The following SMYD3 variants were observed in gnomAD, a reference collection of about 807,000 sequenced individuals.
SMYD3 encodes histone-lysine N-methyltransferase SMYD3.
In SMYD3, 36 loss-of-function variants were observed where a neutral mutation model predicts 57.7. The ratio of observed to expected loss-of-function variants is 0.62; its 90% CI spans 0.48 to 0.82. The LOEUF is 0.82. SMYD3 is among the 40% of genes least tolerant of loss of function. SMYD3 has a pLI of 0.00. For missense variants in SMYD3, 515 were observed against 538.8 expected (o/e 0.96, Z 0.44); for synonymous variants, 211 against 195.0 (o/e 1.08, Z -0.68).
rs76597088 is a variant in SMYD3, at chr1:246,161,768, A to G, written c.531+165433T>C. Reference sequence around the variant, plus strand: ...TATATTTCAAATGACAGGCAGGAACATGTCTTCCCAAGTCCTGATTTTTCT... The same window carrying G: ...TATATTTCAAATGACAGGCAGGAACGTGTCTTCCCAAGTCCTGATTTTTCT... On this transcript the variant is annotated intron_variant, in intron 5 of 11. Coordinates refer to ENST00000490107, the MANE Select transcript of SMYD3 (RefSeq NM_001167740.2). Among the ~76,000 whole-genome samples, 904 of 152,312 alleles carry G rather than the reference A, an allele frequency of 5.9e-3. 8 individuals carry two copies. The highest frequency in any genetic ancestry group is 0.021 in the African/African-American group (856 of 41,566).
chr1:246,173,111 A>ACACACTTAG (rs1197886538), intron 5 of SMYD3, among the ~76,000 whole-genome samples: 2 of 148,036 alleles, frequency 1.4e-5, no homozygotes, highest in African/African-American at 5.0e-5. Flanking sequence ...TATCAACACT[A>ACACACTTAG]CACACTTAGG....
chr1:245,922,358 T>C (rs2056035263), intron 7 of SMYD3, among the ~76,000 whole-genome samples: 1 of 152,228 alleles, frequency 6.6e-6, no homozygotes, highest in Non-Finnish European at 1.5e-5. Flanking sequence ...GAACAAAGAC[T>C]GCCTATAGAA....
intron 5 of SMYD3, among the ~76,000 whole-genome samples, chr1:246,266,380 T>C (rs2064107232): frequency 6.6e-6 from 1 of 152,216 alleles, no homozygotes; most frequent in Non-Finnish European, 1.5e-5. Flanking sequence ...TCCTCTGTAT[T>C]CCTAAAGTAT....
chr1:246,222,491 G>A (rs1438146009), intron 5 of SMYD3, among the ~76,000 whole-genome samples: 1 of 152,002 alleles, frequency 6.6e-6, no homozygotes, highest in Non-Finnish European at 1.5e-5. Flanking sequence ...ATTTGAACAC[G>A]CAAGCACAGT....
intron 5 of SMYD3, among the ~76,000 whole-genome samples, chr1:246,148,211 T>A (rs1175263403): frequency 6.6e-6 from 1 of 151,770 alleles, no homozygotes. Flanking sequence ...CCCTCTGAGG[T>A]CCATAAAAGC....
intron 5 of SMYD3, among the ~76,000 whole-genome samples, chr1:246,172,154 C>A (rs911917739): frequency 6.6e-6 from 1 of 152,200 alleles, no homozygotes; most frequent in African/African-American, 2.4e-5. Flanking sequence ...ACTCACTGTA[C>A]TCTACTGTAG....
At chr1:246,086,973 C>A (rs927432353) in intron 5 of SMYD3, among the ~76,000 whole-genome samples, 2 of 152,096 alleles carry the variant, frequency 1.3e-5, no homozygotes, top group Admixed American at 6.5e-5. Context: ...TGAGAACATG[C>A]GGTGTTTGGT....
intron 9 of SMYD3, among the ~76,000 whole-genome samples, chr1:245,861,713 C>T (rs985386449): frequency 1.3e-5 from 2 of 152,310 alleles, no homozygotes; most frequent in South Asian, 2.1e-4. Flanking sequence ...TCCTCCCAGA[C>T]GCAGCTCACT....
At chr1:246,058,602 ATTGTC>A (rs2060196349) in intron 5 of SMYD3, among the ~76,000 whole-genome samples, 1 of 152,162 alleles carries the variant, frequency 6.6e-6, no homozygotes, top group South Asian at 2.1e-4. Flanking sequence ...CATTTGGAAG[ATTGTC>A]TTTCAAAAGC....
At chr1:246,343,967 G>A (rs1397178518) in intron 2 of SMYD3, among the ~76,000 whole-genome samples, 1 of 152,090 alleles carries the variant, frequency 6.6e-6, no homozygotes, top group African/African-American at 2.4e-5. Context: ...TTATATTTAG[G>A]TTGGTGCAAA....
chr1:245,919,381 T>A (rs777100281), intron 7 of SMYD3, among the ~76,000 whole-genome samples: 1 of 152,128 alleles, frequency 6.6e-6, no homozygotes, highest in Non-Finnish European at 1.5e-5. Flanking sequence ...CATGCCAACA[T>A]GTGTCTGGGC....
intron 5 of SMYD3, among the ~76,000 whole-genome samples, chr1:246,042,517 G>A (rs1001400795): frequency 6.6e-6 from 1 of 152,132 alleles, no homozygotes; most frequent in African/African-American, 2.4e-5. Flanking sequence ...TGGGAACACC[G>A]TTCAATTACC....
At chr1:246,373,798 A>G (rs1481993105) in intron 1 of SMYD3, among the ~76,000 whole-genome samples, 1 of 152,212 alleles carries the variant, frequency 6.6e-6, no homozygotes, top group Admixed American at 6.5e-5. Context: ...ATTCTTTTAT[A>G]TTAACTTTTA....
At chr1:245,769,777 G>A (rs1048069685) in intron 10 of SMYD3, among the ~76,000 whole-genome samples, 1 of 152,164 alleles carries the variant, frequency 6.6e-6, no homozygotes, top group African/African-American at 2.4e-5. Context: ...CTTAAATATA[G>A]TCAGTCCTCT....
chr1:246,341,523 CA>C (rs992651660), intron 2 of SMYD3, among the ~76,000 whole-genome samples: 4 of 152,008 alleles, frequency 2.6e-5, no homozygotes, highest in Admixed American at 2.0e-4. Flanking sequence ...CAGTACCATT[CA>C]GGGGGTAAAA....
chr1:246,159,608 T>C, intron 5 of SMYD3, among the ~76,000 whole-genome samples: 1 of 151,514 alleles, frequency 6.6e-6, no homozygotes. Flanking sequence ...AAAGCAAGAA[T>C]GGGCACTGGC....
At chr1:246,405,952 C>T (rs1347784345) in intron 1 of SMYD3, among the ~76,000 whole-genome samples, 5 of 151,356 alleles carry the variant, frequency 3.3e-5, no homozygotes, top group Admixed American at 3.3e-4. Context: ...AAAGAATGGA[C>T]TCTAGAATTA....
chr1:246,435,638 A>C (rs539965302), intron 1 of SMYD3, among the ~76,000 whole-genome samples: 2 of 152,152 alleles, frequency 1.3e-5, no homozygotes, highest in African/African-American at 4.8e-5. Flanking sequence ...TGAGAATTCC[A>C]AAATAGCTTG....
chr1:246,420,631 G>C (rs1002267898), intron 1 of SMYD3, among the ~76,000 whole-genome samples: 1 of 152,210 alleles, frequency 6.6e-6, no homozygotes, highest in Non-Finnish European at 1.5e-5. Context: ...CTACGCAGGT[G>C]AAAGATTCAA....
Sources: allele counts gnomAD v4.1 joint callset (sites outside exome capture counted in the v4.1 genomes callset), GRCh38; gene constraint gnomAD v4.1.1; transcripts MANE v1.5; gene names NCBI Gene and HGNC (gene_info 2026-07-23, HGNC 2026-07-21).